Variants in DNAH12 observed in about 807,000 individuals in gnomAD.
DNAH12 encodes the protein dynein axonemal heavy chain 12.
Under a neutral mutation model 371.5 loss-of-function variants are expected in DNAH12, and 285 were observed. The ratio of observed to expected loss-of-function variants is 0.77; its 90% CI spans 0.70 to 0.85. The LOEUF (loss-of-function observed/expected upper bound fraction) is 0.85. Among genes scored for constraint, DNAH12 ranks in the 40% least tolerant of loss-of-function variants. The probability of loss-of-function intolerance (pLI) is 0.00; values close to 1 mark genes in which losing one functional copy is unlikely to be tolerated. For synonymous variants in DNAH12, 1,200 were observed against 1,213.0 expected (o/e 0.99, Z 0.22); for missense variants, 3,611 against 3,689.4 (o/e 0.98, Z 0.55).
At position 57,468,772 on chromosome 3, in the gene DNAH12, C is replaced by T. The variant is rs1183928353; in HGVS notation, c.2313G>A (p.Met771Ile). ...TTATCTGTTCCATGACTGTACTGCA[C>T]ATAGTAATAGTAGCATTGTCTTTTG... ...EEPKDNATITMCSTVMEQIKA... is the reference protein window; with the variant it reads ...EEPKDNATITICSTVMEQIKA... The change falls in exon 17 of 74, where the codon ATG (methionine) becomes ATA (isoleucine). Residue 771 changes from methionine to isoleucine, a missense_variant. Physicochemically the swap from Met to Ile is conservative, Grantham distance 10. This residue lies in a region of DNAH12 where 1,314 missense variants were observed against 1,398.7 expected (regional missense o/e 0.94). Coordinates refer to ENST00000495027, the MANE Select transcript of DNAH12 (RefSeq NM_001366028.2). The T allele has an allele frequency of 1.3e-6, 2 of 1,521,250 alleles. No individual in the cohort carries two copies. The highest frequency in any genetic ancestry group is 1.8e-6 in the Non-Finnish European group (2 of 1,139,520). The allele number at this position is 1,521,250 out of a possible 1,614,324, so 94.2% of individuals were successfully genotyped here.
chr3:57,395,449 T>C (rs944053465), intron 43 of DNAH12, among the ~76,000 whole-genome samples: 28 of 152,200 alleles, frequency 1.8e-4, no homozygotes, highest in African/African-American at 5.3e-4. Flanking sequence ...TATTAACTAA[T>C]ATTTTCACTC....
chr3:57,345,068 A>C (rs2062506147), intron 60 of DNAH12, among the ~76,000 whole-genome samples: 2 of 152,270 alleles, frequency 1.3e-5, no homozygotes, highest in South Asian at 4.1e-4. Context: ...ATTATATACT[A>C]TATTCTTACA....
intron 47 of DNAH12, among the ~76,000 whole-genome samples, chr3:57,385,681 A>G (rs1367819292): frequency 6.6e-6 from 1 of 152,134 alleles, no homozygotes; most frequent in Non-Finnish European, 1.5e-5. Context: ...CAGGAGTTTG[A>G]GATAAGCCTG....
At chr3:57,467,558 G>C (rs1474625108) in intron 17 of DNAH12, among the ~76,000 whole-genome samples, 1 of 152,054 alleles carries the variant, frequency 6.6e-6, no homozygotes, top group Non-Finnish European at 1.5e-5. Context: ...TCACTTCAAA[G>C]TTTGGATTAT....
rs1031958005 is a variant in DNAH12, at chr3:57,378,196, G to A, written c.8223+962C>T. On this transcript the variant is annotated intron_variant, in intron 52 of 73. Coordinates refer to ENST00000495027, the MANE Select transcript of DNAH12 (RefSeq NM_001366028.2). Reference sequence around the variant, plus strand: ...GTATCAGAATAAAAATGGCAGTGTGGAGTTATAGAGTGGGAAGGCAGGAAA... The same window carrying A: ...GTATCAGAATAAAAATGGCAGTGTGAAGTTATAGAGTGGGAAGGCAGGAAA... 9.9e-5 allele frequency among the ~76,000 whole-genome samples: 15 copies of A among 152,158 alleles called. 1 individual carries two copies. Among genetic ancestry groups the A allele is most frequent in the South Asian group, 4.1e-4 (2 of 4,824 alleles).
In DNAH12 at chr3:57,299,506, A is replaced by T. The variant is rs530732; in HGVS notation, c.11394+2229T>A. ...GCAGTGTGCAAAAAGTTTTTTTTTTAAAAAAAAGGCACAGGAAGGAGAGAA... is the reference window on the plus strand; with the variant it reads ...GCAGTGTGCAAAAAGTTTTTTTTTTTAAAAAAAGGCACAGGAAGGAGAGAA... On this transcript the variant is annotated intron_variant, in intron 70 of 73. Transcript: ENST00000495027. Among the ~76,000 whole-genome samples, 739 of 132,828 alleles carry T rather than the reference A, an allele frequency of 5.6e-3. 11 individuals carry two copies. The highest frequency in any genetic ancestry group is 0.052 in the East Asian group (268 of 5,146). 87.1% of individuals were successfully genotyped at this position (132,828 alleles called of 152,430 possible). A position where few individuals can be genotyped will look rare whatever the true frequency, so the allele number is the denominator to read the frequency against.
chr3:57,554,359 C>T, the DNAH12 span, among the ~76,000 whole-genome samples: 1 of 151,512 alleles, frequency 6.6e-6, no homozygotes, highest in African/African-American at 2.4e-5. Context: ...TTTTTTCTTG[C>T]AATTAAAACC....
At chr3:57,315,431 G>A (rs1181322479) in intron 65 of DNAH12, among the ~76,000 whole-genome samples, 1 of 149,988 alleles carries the variant, frequency 6.7e-6, no homozygotes, top group African/African-American at 2.5e-5. Flanking sequence ...GATGAATGCT[G>A]TGGTGAAACA....
upstream of DNAH12, chr3:57,544,429 G>A (rs9311652): frequency 0.24 from 36,111 of 152,156 alleles, 6,007 homozygotes; most frequent in African/African-American, 0.47. Context: ...GTTGCCTGGA[G>A]AGGCAGTTGC....
chr3:57,296,284 GCTTAT>G lies in DNAH12; in HGVS notation c.11624+55_11624+59del, dbSNP rs1260447990. 10 of 1,292,716 alleles carry G rather than the reference GCTTAT, an allele frequency of 7.7e-6. No individual in the cohort carries two copies. The Middle Eastern group carries it at 5.7e-4, about 74-fold the overall frequency. 80.1% of individuals were successfully genotyped at this position (1,292,716 alleles called of 1,614,324 possible). On this transcript the variant is annotated intron_variant, in intron 72 of 73. Transcript: ENST00000495027. ...GGACTTTTTTTTTAAGCAACAGATT[GCTTAT>G]CTTATCTATGATTCAGCTACAAATG...
chr3:57,417,261 T>A lies in DNAH12; in HGVS notation c.5715-1697A>T, dbSNP rs748708141. 9.2e-5 allele frequency among the ~76,000 whole-genome samples: 14 copies of A among 151,932 alleles called. 1 individual carries two copies. The highest frequency in any genetic ancestry group is 5.8e-4 in the East Asian group (3 of 5,162). On this transcript the variant is annotated intron_variant, in intron 37 of 73. Coordinates refer to ENST00000495027, the MANE Select transcript of DNAH12 (RefSeq NM_001366028.2). ...GTGAAACACCTTCTAAAAAAAAATT[T>A]AAAAAAAGACAAATACAAAGGCCAG...
chr3:57,413,893 A>G lies in DNAH12; in HGVS notation c.5873T>C (p.Leu1958Ser). ...AAAGACTCCTTTGCGTCTTTTATCC[A>G]ATCTAGCCATGATAATGTTCTAAAA... is the stretch of plus-strand genomic sequence containing the variant. ...NQVQNIIMAR[L>S]DKRRKGVFGP... The change falls in exon 39 of 74, where the codon TTG becomes TCG. Residue 1958 changes from leucine to serine, a missense_variant. By Grantham distance (145) the Leu-to-Ser change is moderately radical (BLOSUM62 -2). This residue lies in a region of DNAH12 where 2,266 missense variants were observed against 2,236.9 expected (regional missense o/e 1.01). Coordinates refer to ENST00000495027, the MANE Select transcript of DNAH12 (RefSeq NM_001366028.2). 6.4e-7 allele frequency: 1 copy of G among 1,550,712 alleles called. No homozygotes were observed. Among genetic ancestry groups the G allele is most frequent in the Non-Finnish European group, 8.7e-7 (1 of 1,146,614 alleles).
chr3:57,386,163 G>T (rs2063496434), intron 47 of DNAH12, among the ~76,000 whole-genome samples: 1 of 151,758 alleles, frequency 6.6e-6, no homozygotes, highest in Admixed American at 6.6e-5. Flanking sequence ...CTCTTAAATG[G>T]TAAAAAATTA....
intron 13 of DNAH12, among the ~76,000 whole-genome samples, chr3:57,479,543 A>G (rs1386313721): frequency 6.6e-6 from 1 of 152,164 alleles, no homozygotes; most frequent in Non-Finnish European, 1.5e-5. Flanking sequence ...ATATCCAGAA[A>G]TTGAACTCAA....
intron 60 of DNAH12, among the ~76,000 whole-genome samples, chr3:57,346,506 G>A (rs1171817412): frequency 2.7e-5 from 4 of 149,890 alleles, no homozygotes; most frequent in African/African-American, 9.9e-5. Context: ...GTTAAAACCA[G>A]AGAAGACAGA....
At chr3:57,518,874 T>TGA (rs1444860963) in intron 4 of DNAH12, among the ~76,000 whole-genome samples, 1 of 152,246 alleles carries the variant, frequency 6.6e-6, no homozygotes, top group African/African-American at 2.4e-5. Context: ...CATCAATATA[T>TGA]GAAAGGTAGC....
intron 29 of DNAH12, among the ~76,000 whole-genome samples, chr3:57,439,663 G>A (rs964512174): frequency 3.3e-5 from 5 of 152,076 alleles, no homozygotes; most frequent in African/African-American, 1.2e-4. Context: ...AAAAGCAATC[G>A]CTACAAAAAC....
chr3:57,376,228 A>C lies in DNAH12; in HGVS notation c.8466-263T>G, dbSNP rs1002405388. Among the ~76,000 whole-genome samples, 486 of 152,034 alleles carry C rather than the reference A, an allele frequency of 3.2e-3. 1 individual carries two copies. Among genetic ancestry groups the C allele is most frequent in the African/African-American group, 0.011 (447 of 41,520 alleles). On this transcript the variant is annotated intron_variant, in intron 53 of 73. Transcript: ENST00000495027. ...CTTGGCCCTTCAGAAAAAGAAAAAA[A>C]AAAACAAAACCCAAACACCAACATT...
intron 62 of DNAH12, among the ~76,000 whole-genome samples, chr3:57,324,308 C>A (rs545530231): frequency 2.6e-5 from 4 of 152,062 alleles, no homozygotes; most frequent in African/African-American, 7.2e-5. Context: ...TTCATTTATA[C>A]GCTAATACTC....
Sources: gnomAD v4.1 joint callset for allele counts (sites outside exome capture counted in the v4.1 genomes callset) on GRCh38, gnomAD v4.1.1 for gene constraint, gnomAD v4.1.1 regional missense constraint, MANE v1.5 for transcripts, NCBI Gene and HGNC (gene_info 2026-07-23, HGNC 2026-07-21) for gene names.